Variants in ZNF410 observed in about 807,000 individuals in gnomAD.
ZNF410 encodes another partner for ARF 1.
ZNF410 carries 18 observed loss-of-function variants against 54.8 expected under a neutral mutation model. That is an observed-to-expected ratio of 0.33 (90% confidence interval 0.23 to 0.49). The LOEUF (loss-of-function observed/expected upper bound fraction) is 0.49, where lower values mean the gene tolerates loss of function less well. Ranked by LOEUF, ZNF410 falls within the 20% of genes least tolerant of loss-of-function variation. The pLI is 0.99. For synonymous variants in ZNF410, 191 were observed against 207.3 expected (o/e 0.92, Z 0.68); for missense variants, 405 against 569.6 (o/e 0.71, Z 2.94).
chr14:73,907,884 ACT>A (rs888413070), intron 7 of ZNF410, among the ~76,000 whole-genome samples: 23 of 150,850 alleles, frequency 1.5e-4, no homozygotes, highest in Admixed American at 6.6e-5. Context: ...CAAGAGCGAA[ACT>A]CTGTCTTGAA....
chr14:73,891,027 A>G (rs2055220905), intron 1 of ZNF410, among the ~76,000 whole-genome samples: 1 of 152,142 alleles, frequency 6.6e-6, no homozygotes, highest in South Asian at 2.1e-4. Flanking sequence ...TAAATAAAAG[A>G]GAGAGAACAG....
In ZNF410 at chr14:73,920,997, T is replaced by C; in HGVS notation, c.1021T>C (p.Cys341Arg). ...VVHSGEKPHQCQVCGKTFSQS... is the reference protein window; with the variant it reads ...VVHSGEKPHQRQVCGKTFSQS... ...TGTTTCAGGAGAGAAGCCTCATCAG[T>C]GCCAAGTCTGTGGGAAGACCTTCTC... The change falls in exon 9 of 12, where the codon TGC becomes CGC. Residue 341 changes from cysteine to arginine, a missense_variant. Physicochemically the swap from Cys to Arg is radical, Grantham distance 180. Coordinates refer to ENST00000555044, the MANE Select transcript of ZNF410 (RefSeq NM_021188.3). 6.2e-7 allele frequency: 1 copy of C among 1,614,070 alleles called. No homozygotes were observed. Among genetic ancestry groups the C allele is most frequent in the Non-Finnish European group, 8.5e-7 (1 of 1,179,992 alleles).
chr14:73,917,805 A>G (rs1296818812), intron 8 of ZNF410, among the ~76,000 whole-genome samples: 1 of 152,170 alleles, frequency 6.6e-6, no homozygotes, highest in Non-Finnish European at 1.5e-5. Flanking sequence ...CCTGGGTGAC[A>G]GAGTGAGACT....
rs776748874 is a variant in ZNF410, at chr14:73,904,011, C to T, written c.632C>T (p.Pro211Leu). The change falls in exon 6 of 12, where the codon CCC (proline) becomes CTC (leucine). Residue 211 changes from proline (P) to leucine (L), a missense_variant. Physicochemically the swap from Pro to Leu is moderately conservative, Grantham distance 98 (BLOSUM62 -3). Coordinates refer to ENST00000555044, the MANE Select transcript of ZNF410 (RefSeq NM_021188.3). ...GATGGGCAGTCAAAAGATTCTGGGC[C>T]CCTTCCTCAAGTGGAAAAGAAGCTC... is the stretch of plus-strand genomic sequence containing the variant. The part of the protein sequence containing the change: ...SGDGQSKDSG[P>L]LPQVEKKLKC... 1.9e-6 allele frequency: 3 copies of T among 1,613,996 alleles called. No individual in the cohort carries two copies. The highest frequency in any genetic ancestry group is 2.5e-6 in the Non-Finnish European group (3 of 1,180,034).
At chr14:73,905,616 T>G (rs2055468970) in intron 7 of ZNF410, 2 of 152,104 alleles carry the variant, frequency 1.3e-5, no homozygotes, top group South Asian at 4.1e-4. Context: ...AGGAGCAAAA[T>G]AAAGATTCCT....
chr14:73,904,156 A>G (rs776519666), intron 6 of ZNF410, 46 bp downstream of exon 6: 2 of 1,576,990 alleles, frequency 1.3e-6, no homozygotes, highest in South Asian at 2.3e-5. Context: ...TTGATGCAAA[A>G]GTTGATTCTT....
intron 10 of ZNF410, 183 bp downstream of exon 10, chr14:73,922,389 A>C: frequency 2.1e-6 from 1 of 473,604 alleles, no homozygotes; most frequent in Non-Finnish European, 3.4e-6. Flanking sequence ...ATTTTTTTTC[A>C]TTGAAGATAA....
At position 73,896,386 on chromosome 14, in the gene ZNF410, G is replaced by C. The variant is rs1319579911; in HGVS notation, c.240G>C (p.Val80=). The C allele has an allele frequency of 2.5e-6, 4 of 1,614,184 alleles. No homozygotes were observed. Among genetic ancestry groups the C allele is most frequent in the Non-Finnish European group, 3.4e-6 (4 of 1,180,040 alleles). ...CAGCTGTTTTGAGAAGCCTTCGGGTGAATGTGGGTCCAGACGGAGAGGAGA... is the reference window on the plus strand; with the variant it reads ...CAGCTGTTTTGAGAAGCCTTCGGGTCAATGTGGGTCCAGACGGAGAGGAGA... ...PSSAVLRSLR[V]NVGPDGEETR... is the part of the protein sequence containing the mutation. Residue 80 remains valine (V), a synonymous_variant, in exon 4 of 12, where the codon GTG becomes GTC. Coordinates refer to ENST00000555044, the MANE Select transcript of ZNF410 (RefSeq NM_021188.3).
intron 8 of ZNF410, chr14:73,920,672 A>T (rs2302121): frequency 0.51 from 134,060 of 262,412 alleles, 34,749 homozygotes; most frequent in South Asian, 0.61. Flanking sequence ...TGGAAGACTA[A>T]CTGAAAAAGA....
rs1393130038 is a variant in ZNF410, at chr14:73,932,131, C to A, written c.*590C>A. On this transcript the variant is annotated 3_prime_UTR_variant, in exon 12 of 12. Transcript: ENST00000555044. ...GGCTGAGGTACTATCTTGTCCTATACACTTCTACTTGGTCACTTTGCTTTC... is the reference window on the plus strand; with the variant it reads ...GGCTGAGGTACTATCTTGTCCTATAAACTTCTACTTGGTCACTTTGCTTTC... 1 of 407,032 alleles carries A rather than the reference C, an allele frequency of 2.5e-6. No homozygotes were observed. The highest frequency in any genetic ancestry group is 4.9e-6 in the Non-Finnish European group (1 of 202,826). 25.2% of individuals were successfully genotyped at this position (407,032 alleles called of 1,614,324 possible).
intron 2 of ZNF410, 88 bp from the exon 3 acceptor site, chr14:73,893,709 A>T (rs2055266308): frequency 7.1e-7 from 1 of 1,413,692 alleles, no homozygotes; most frequent in African/African-American, 1.4e-5. Context: ...ACTAGTGAAC[A>T]GTCTTAATAT....
At chr14:73,889,041 A>G (rs1022193107) in intron 1 of ZNF410, among the ~76,000 whole-genome samples, 2 of 152,224 alleles carry the variant, frequency 1.3e-5, no homozygotes, top group Non-Finnish European at 2.9e-5. Flanking sequence ...CATAAAAAGG[A>G]CAGTAAATAG....
chr14:73,906,071 T>C (rs1305211116), intron 7 of ZNF410, among the ~76,000 whole-genome samples: 1 of 150,972 alleles, frequency 6.6e-6, no homozygotes, highest in Non-Finnish European at 1.5e-5. Flanking sequence ...AGATCTCGGC[T>C]AACTGCAAGC....
intron 2 of ZNF410, among the ~76,000 whole-genome samples, chr14:73,892,739 AC>A (rs1237603328): frequency 6.6e-6 from 1 of 152,176 alleles, no homozygotes; most frequent in Non-Finnish European, 1.5e-5. Context: ...TAGTCTTGTG[AC>A]CTTAGACAAG....
chr14:73,909,326 A>AT lies in ZNF410; in HGVS notation c.914-11dup. On this transcript the variant is annotated splice_polypyrimidine_tract_variant and intron_variant, in intron 7 of 11. Transcript: ENST00000555044. ...CATCAGAAGACTGAGTCTTTATCTC[A>AT]TTTTCTGTCTCTAGGAGAGAAACCT... 6.2e-7 allele frequency: 1 copy of AT among 1,607,910 alleles called. No homozygotes were observed. The highest frequency in any genetic ancestry group is 8.5e-7 in the Non-Finnish European group (1 of 1,177,356).
intron 7 of ZNF410, among the ~76,000 whole-genome samples, chr14:73,908,417 C>A (rs1012803983): frequency 2.8e-4 from 43 of 151,682 alleles, no homozygotes; most frequent in African/African-American, 9.9e-4. Context: ...TAGTATATTG[C>A]TCATTCTTTC....
intron 8 of ZNF410, among the ~76,000 whole-genome samples, chr14:73,915,276 TG>T (rs2055647281): frequency 1.5e-5 from 2 of 130,084 alleles, no homozygotes; most frequent in South Asian, 5.3e-4. Flanking sequence ...AAAAAAAAAG[TG>T]GTGAGAGTAC....
chr14:73,890,160 A>G (rs1350941520), intron 1 of ZNF410, among the ~76,000 whole-genome samples: 2 of 150,474 alleles, frequency 1.3e-5, no homozygotes, highest in Non-Finnish European at 3.0e-5. Flanking sequence ...AGAGGGAGAA[A>G]CCAACAGGAC....
Position 73,905,994 on chromosome 14 carries a change from T to TATATAC in ZNF410, c.913+912_913+913insTATACA, listed in dbSNP as rs1293177402. ...ATATATATATATATATATATATATA[T>TATATAC]ACACACATACTTTTTTTTTTTTTGA... On this transcript the variant is annotated intron_variant, in intron 7 of 11. Transcript: ENST00000555044. 5.8e-4 allele frequency among the ~76,000 whole-genome samples: 79 copies of TATATAC among 136,588 alleles called. No homozygotes were observed. The East Asian group carries it at 8.3e-3, about 14-fold the overall frequency. 89.6% of individuals were successfully genotyped at this position (136,588 alleles called of 152,430 possible).
Sources: allele counts gnomAD v4.1 joint callset (sites outside exome capture counted in the v4.1 genomes callset), GRCh38; gene constraint gnomAD v4.1.1; transcripts MANE v1.5; gene names NCBI Gene and HGNC (gene_info 2026-07-23, HGNC 2026-07-21).